The following LRP1B variants were observed in gnomAD, a reference collection of about 807,000 sequenced individuals.
The protein encoded by LRP1B is LDL receptor related protein 1B.
In LRP1B, 217 loss-of-function variants were observed where a neutral mutation model predicts 556.6. That is an observed-to-expected ratio of 0.39 (90% confidence interval 0.35 to 0.44). The LOEUF (loss-of-function observed/expected upper bound fraction) is 0.44. Ranked by LOEUF, LRP1B falls within the 20% of genes least tolerant of loss-of-function variation. LRP1B has a pLI of 1.00. For synonymous variants in LRP1B, 2,047 were observed against 1,865.8 expected, an observed-to-expected ratio of 1.10 and a Z score of -2.50; for missense variants, 5,053 against 5,620.8, an observed-to-expected ratio of 0.90 and a Z score of 3.23.
intron 82 of LRP1B, among the ~76,000 whole-genome samples, chr2:140,317,869 C>T (rs1558796298): frequency 6.6e-6 from 1 of 152,074 alleles, no homozygotes; most frequent in African/African-American, 2.4e-5. Context: ...AAGTACAACA[C>T]TGCCTGATGA....
intron 3 of LRP1B, among the ~76,000 whole-genome samples, chr2:141,426,240 G>T (rs891839616): frequency 6.6e-6 from 1 of 151,752 alleles, no homozygotes; most frequent in African/African-American, 2.4e-5. Context: ...TAGATATGCG[G>T]CGTTATTTTT....
intron 43 of LRP1B, among the ~76,000 whole-genome samples, chr2:140,542,874 C>T (rs1037486793): frequency 6.6e-6 from 1 of 152,054 alleles, no homozygotes. Flanking sequence ...CACATGTGTG[C>T]GAGCCAACTC....
chr2:141,956,772 A>T (rs1202196564), intron 1 of LRP1B, among the ~76,000 whole-genome samples: 1 of 152,134 alleles, frequency 6.6e-6, no homozygotes, highest in East Asian at 1.9e-4. Flanking sequence ...AAGGGATAAA[A>T]CATAGATAAA....
At chr2:140,818,173 G>A (rs900470282) in intron 31 of LRP1B, among the ~76,000 whole-genome samples, 1 of 152,088 alleles carries the variant, frequency 6.6e-6, no homozygotes, top group African/African-American at 2.4e-5. Flanking sequence ...ACAGGGGAAT[G>A]GTAGAGATGT....
chr2:140,311,011 T>G (rs1483883457), intron 83 of LRP1B, among the ~76,000 whole-genome samples: 2 of 151,770 alleles, frequency 1.3e-5, no homozygotes, highest in African/African-American at 4.8e-5. Flanking sequence ...TGGCTACTAT[T>G]AAAAAGCCAA....
chr2:141,358,257 G>T (rs867911175), intron 3 of LRP1B, among the ~76,000 whole-genome samples: 2 of 152,168 alleles, frequency 1.3e-5, no homozygotes, highest in African/African-American at 4.8e-5. Flanking sequence ...GAAAGGTGAA[G>T]CTACCTCAAA....
At chr2:141,583,856 C>T (rs1326640397) in intron 2 of LRP1B, among the ~76,000 whole-genome samples, 1 of 151,994 alleles carries the variant, frequency 6.6e-6, no homozygotes, top group Non-Finnish European at 1.5e-5. Context: ...TCTCCTGCCT[C>T]AGCCTCCCAG....
chr2:141,037,105 GGA>G (rs987222806), intron 11 of LRP1B, among the ~76,000 whole-genome samples: 1 of 151,928 alleles, frequency 6.6e-6, no homozygotes, highest in Non-Finnish European at 1.5e-5. Context: ...ATAAGAGTGT[GGA>G]GAGAGACCTT....
At chr2:140,818,898 C>A (rs545131717) in intron 31 of LRP1B, among the ~76,000 whole-genome samples, 1 of 144,842 alleles carries the variant, frequency 6.9e-6, no homozygotes, top group East Asian at 2.0e-4. Flanking sequence ...AATCATGCCA[C>A]TGCACTCCAG....
chr2:141,985,030 CTT>C (rs1702146531), intron 1 of LRP1B, among the ~76,000 whole-genome samples: 1 of 152,058 alleles, frequency 6.6e-6, no homozygotes, highest in African/African-American at 2.4e-5. Flanking sequence ...TTAAATGTGA[CTT>C]AATATTCTCA....
At chr2:140,704,929 A>G (rs1686774925) in intron 37 of LRP1B, among the ~76,000 whole-genome samples, 1 of 152,148 alleles carries the variant, frequency 6.6e-6, no homozygotes, top group Non-Finnish European at 1.5e-5. Context: ...AAATGTGTTT[A>G]TTGCTATTAA....
chr2:141,288,051 C>T (rs568013536), intron 3 of LRP1B, among the ~76,000 whole-genome samples: 1 of 152,266 alleles, frequency 6.6e-6, no homozygotes, highest in East Asian at 1.9e-4. Flanking sequence ...CCTTCTCCCA[C>T]TCCAATATAC....
At chr2:141,311,217 T>C (rs941536501) in intron 3 of LRP1B, among the ~76,000 whole-genome samples, 1 of 152,210 alleles carries the variant, frequency 6.6e-6, no homozygotes, top group Non-Finnish European at 1.5e-5. Context: ...ATATTTTTGG[T>C]ACCTCTGTGG....
intron 2 of LRP1B, among the ~76,000 whole-genome samples, chr2:141,753,503 T>C (rs1694206301): frequency 6.6e-6 from 1 of 151,730 alleles, no homozygotes; most frequent in Non-Finnish European, 1.5e-5. Flanking sequence ...GGCCATTGCT[T>C]ATTAGGCCCA....
chr2:141,550,210 C>T (rs1368611894), intron 2 of LRP1B, among the ~76,000 whole-genome samples: 7 of 152,142 alleles, frequency 4.6e-5, no homozygotes, highest in South Asian at 4.1e-4. Context: ...TTTGGCTTAC[C>T]GATGTTTTAC....
At chr2:141,642,299 G>A (rs1186220716) in intron 2 of LRP1B, among the ~76,000 whole-genome samples, 1 of 152,106 alleles carries the variant, frequency 6.6e-6, no homozygotes, top group Non-Finnish European at 1.5e-5. Context: ...ATTTAAATAT[G>A]AGGGTAGCAG....
intron 10 of LRP1B, among the ~76,000 whole-genome samples, chr2:141,053,623 C>T (rs928238866): frequency 7.2e-5 from 11 of 151,980 alleles, no homozygotes; most frequent in African/African-American, 2.7e-4. Context: ...CTAGAAGCTA[C>T]TGGTCCAGGT....
At chr2:141,810,139 A>AAGAG in intron 2 of LRP1B, 140 bp downstream of exon 2, 1 of 438,874 alleles carries the variant, frequency 2.3e-6, no homozygotes, top group Non-Finnish European at 3.6e-6. Context: ...GAAAGAAAGA[A>AAGAG]AGAAAGAAAG....
At chr2:140,748,591 G>GCATATATA (rs1553521873) in intron 35 of LRP1B, among the ~76,000 whole-genome samples, 9 of 73,330 alleles carry the variant, frequency 1.2e-4, no homozygotes, top group Admixed American at 2.2e-4. Context: ...TATACAGTGT[G>GCATATATA]TATATATATA....
Sources: gnomAD v4.1 joint callset for allele counts (sites outside exome capture counted in the v4.1 genomes callset) on GRCh38, gnomAD v4.1.1 for gene constraint, MANE v1.5 for transcripts, NCBI Gene and HGNC (gene_info 2026-07-23, HGNC 2026-07-21) for gene names.